Variants in DPPA2 observed in about 807,000 individuals in gnomAD.
The protein encoded by DPPA2 is developmental pluripotency-associated protein 2.
DPPA2 carries 26 observed loss-of-function variants against 36.2 expected under a neutral mutation model. The ratio of observed to expected loss-of-function variants is 0.72; its 90% confidence interval spans 0.53 to 1.00. DPPA2 has a LOEUF of 1.00. Ranked by LOEUF, DPPA2 falls within the 50% of genes least tolerant of loss-of-function variation. DPPA2 has a pLI of 0.00. For missense variants in DPPA2, 361 were observed against 365.1 expected, an observed-to-expected ratio of 0.99 and a Z score of 0.09; for synonymous variants, 113 against 123.2, an observed-to-expected ratio of 0.92 and a Z score of 0.55.
At position 109,308,089 on chromosome 3, in the gene DPPA2, C is replaced by T. The variant is rs773427525; in HGVS notation, c.601G>A (p.Ala201Thr). The T allele has an allele frequency of 6.2e-7, 1 of 1,614,200 alleles. No individual in the cohort carries two copies. The highest frequency in any genetic ancestry group is 8.5e-7 in the Non-Finnish European group (1 of 1,180,044). Residue 201 changes from alanine (A) to threonine (T), a missense_variant, in exon 6 of 9, where the codon GCT (alanine) becomes ACT (threonine). By Grantham distance (58) the Ala-to-Thr change is moderately conservative (BLOSUM62 0). Transcript: ENST00000478945. Reference protein sequence around the residue: ...RIAARAVQPKALNSCSIPVSV... With the variant: ...RIAARAVQPKTLNSCSIPVSV... The stretch of plus-strand genomic sequence containing the variant: ...ACAGGAATGGAACATGAATTCAAAG[C>T]CTTAGGCTGAACAGCTCTTGCAGCA...
intron 6 of DPPA2, among the ~76,000 whole-genome samples, chr3:109,306,700 T>C (rs1220357620): frequency 6.6e-6 from 1 of 151,534 alleles, no homozygotes; most frequent in Non-Finnish European, 1.5e-5. Flanking sequence ...GCGCGGTAGC[T>C]CACGCCTGTA....
At chr3:109,299,076 G>A (rs930021100) in intron 8 of DPPA2, among the ~76,000 whole-genome samples, 1 of 147,720 alleles carries the variant, frequency 6.8e-6, no homozygotes, top group Non-Finnish European at 1.5e-5. Context: ...GAAAGAAAAA[G>A]AGGCCGGGCA....
At chr3:109,307,040 C>T (rs900728410) in intron 6 of DPPA2, among the ~76,000 whole-genome samples, 2 of 151,752 alleles carry the variant, frequency 1.3e-5, no homozygotes, top group African/African-American at 2.4e-5. Context: ...ACAATCTCAG[C>T]TCACTGCAAC....
At chr3:109,311,904 C>A (rs1453472325) in intron 3 of DPPA2, among the ~76,000 whole-genome samples, 1 of 152,122 alleles carries the variant, frequency 6.6e-6, no homozygotes, top group Admixed American at 6.6e-5. Context: ...ATTTAATCTT[C>A]GTAGGAGGCA....
Position 109,301,680 on chromosome 3 carries a change from G to C in DPPA2, c.855-1245C>G, listed in dbSNP as rs981877966. ...TAAAAAAAAAATTTAAAAAGGAAAAGAGAGAAAGAAAGAAGAAAAATGGGA... is the reference window on the plus strand; with the variant it reads ...TAAAAAAAAAATTTAAAAAGGAAAACAGAGAAAGAAAGAAGAAAAATGGGA... On this transcript the variant is annotated intron_variant, in intron 7 of 8. Transcript: ENST00000478945. Among the ~76,000 whole-genome samples, 15 of 14,964 alleles carry C rather than the reference G, an allele frequency of 1.0e-3. No homozygotes were observed. In the Non-Finnish European group the frequency reaches 0.01, roughly 10 times the overall value. The allele number at this position is 14,964 out of a possible 152,430, so 9.8% of individuals were successfully genotyped here.
chr3:109,295,240 C>G (rs897370490), intron 8 of DPPA2: 1 of 151,148 alleles, frequency 6.6e-6, no homozygotes, highest in Non-Finnish European at 1.5e-5. Context: ...AAATTATTGG[C>G]CAGGTGTGGT....
intron 2 of DPPA2, 50 bp from the exon 3 acceptor site, chr3:109,312,742 A>C: frequency 6.3e-7 from 1 of 1,592,624 alleles, no homozygotes; most frequent in Non-Finnish European, 8.6e-7. Context: ...GTACAACTAA[A>C]CTGCTTGCTT....
rs781374715 is a variant in DPPA2, at chr3:109,309,056, A to G, written c.366T>C (p.Leu122=). ...GTTGTTCAGGGTAAGCATGCCTATGAAGCCTCAGATAAACTTCGATTTTCT... is the reference window on the plus strand; with the variant it reads ...GTTGTTCAGGGTAAGCATGCCTATGGAGCCTCAGATAAACTTCGATTTTCT... ...NGKKIEVYLR[L]HRHAYPEQRQ... Residue 122 remains leucine, a synonymous_variant, in exon 5 of 9, where the codon CTT becomes CTC. Transcript: ENST00000478945. 6.2e-7 allele frequency: 1 copy of G among 1,614,200 alleles called. No individual in the cohort carries two copies. Among genetic ancestry groups the G allele is most frequent in the Admixed American group, 1.7e-5 (1 of 60,008 alleles).
intron 7 of DPPA2, among the ~76,000 whole-genome samples, chr3:109,301,524 T>C (rs1265029921): frequency 6.6e-6 from 1 of 151,744 alleles, no homozygotes; most frequent in Non-Finnish European, 1.5e-5. Flanking sequence ...TGGTGGTGCA[T>C]GCCTGTAATC....
intron 1 of DPPA2, among the ~76,000 whole-genome samples, chr3:109,314,862 G>A (rs1000598517): frequency 6.6e-6 from 1 of 152,040 alleles, no homozygotes; most frequent in Non-Finnish European, 1.5e-5. Flanking sequence ...CCAGGAGTTC[G>A]AGATCAGCCT....
At chr3:109,309,988 G>A (rs1298597019) in intron 3 of DPPA2, among the ~76,000 whole-genome samples, 1 of 151,848 alleles carries the variant, frequency 6.6e-6, no homozygotes, top group Non-Finnish European at 1.5e-5. Context: ...CAGCACTTTG[G>A]GAGGCCGAGG....
Position 109,312,644 on chromosome 3 carries a change from G to C in DPPA2, c.82C>G (p.Leu28Val), listed in dbSNP as rs1707731186. The change falls in exon 3 of 9, where the codon CTG (leucine) becomes GTG (valine). Residue 28 changes from leucine (L) to valine (V), a missense_variant. Coordinates refer to ENST00000478945, the MANE Select transcript of DPPA2 (RefSeq NM_138815.4). ...TTTGCGTCATCTTTAACTGGCACCA[G>C]TGTCAAAATCACACTTTCCTCATCA... Reference protein sequence around the residue: ...VDDEESVILTLVPVKDDANME... With the variant: ...VDDEESVILTVVPVKDDANME... The C allele has an allele frequency of 1.2e-6, 2 of 1,613,794 alleles. No homozygotes were observed. The highest frequency in any genetic ancestry group is 1.7e-6 in the Non-Finnish European group (2 of 1,179,886).
In DPPA2 at chr3:109,303,061, T is replaced by C. The variant is rs185703971; in HGVS notation, c.854+1414A>G. 3.3e-5 allele frequency among the ~76,000 whole-genome samples: 5 copies of C among 152,280 alleles called. No individual in the cohort carries two copies. In the East Asian group the frequency reaches 5.8e-4, roughly 18 times the overall value. On this transcript the variant is annotated intron_variant, in intron 7 of 8. Coordinates refer to ENST00000478945, the MANE Select transcript of DPPA2 (RefSeq NM_138815.4). Reference sequence around the variant, plus strand: ...TTTCTCAATATAAGCTTCAATCACATTGACTAACTGGCAGTTTCTAAATAT... The same window carrying C: ...TTTCTCAATATAAGCTTCAATCACACTGACTAACTGGCAGTTTCTAAATAT...
chr3:109,308,259 T>C lies in DPPA2; in HGVS notation c.431A>G (p.Gln144Arg), dbSNP rs1707616191. Reference sequence around the variant, plus strand: ...TGCCTTGCGTTTCCTCGAACATCGCTGTAATCTGGTCTCTTGTGACATTTC... The same window carrying C: ...TGCCTTGCGTTTCCTCGAACATCGCCGTAATCTGGTCTCTTGTGACATTTC... Reference protein sequence around the residue: ...MPEMSQETRLQRCSRKRKAVT... With the variant: ...MPEMSQETRLRRCSRKRKAVT... The change falls in exon 6 of 9, where the codon CAG becomes CGG. Residue 144 changes from glutamine (Q) to arginine (R), a missense_variant. Physicochemically the swap from Gln to Arg is conservative, Grantham distance 43. Coordinates refer to ENST00000478945, the MANE Select transcript of DPPA2 (RefSeq NM_138815.4). 2 of 1,614,148 alleles carry C rather than the reference T, an allele frequency of 1.2e-6. No individual in the cohort carries two copies. Among genetic ancestry groups the C allele is most frequent in the South Asian group, 2.2e-5 (2 of 91,092 alleles).
At chr3:109,302,754 CAA>C (rs71629389) in intron 7 of DPPA2, among the ~76,000 whole-genome samples, 46 of 93,986 alleles carry the variant, frequency 4.9e-4, no homozygotes, top group Admixed American at 1.1e-3. Flanking sequence ...AGCCCACTTA[CAA>C]AAAAAAAAAA....
chr3:109,295,073 A>G (rs2107297235), intron 8 of DPPA2, among the ~76,000 whole-genome samples: 2 of 152,288 alleles, frequency 1.3e-5, no homozygotes, highest in Admixed American at 1.3e-4. Flanking sequence ...TACAAATGTC[A>G]GGTTTTGAAA....
rs934244837 is a variant in DPPA2, at chr3:109,309,326, A to G, written c.186T>C (p.His62=). 6.2e-7 allele frequency: 1 copy of G among 1,613,882 alleles called. No homozygotes were observed. The highest frequency in any genetic ancestry group is 8.5e-7 in the Non-Finnish European group (1 of 1,179,914). ...TAAATTGCTCATTTGTTTGAAGTAGATGACCTAAGACAAGAATGGAACCAA... is the reference window on the plus strand; with the variant it reads ...TAAATTGCTCATTTGTTTGAAGTAGGTGACCTAAGACAAGAATGGAACCAA... The part of the protein sequence containing the change: ...LEKPKKYNPG[H]LLQTNEQFTA... The change falls in exon 4 of 9, where the codon CAT becomes CAC. Residue 62 remains histidine (H), a synonymous_variant. Coordinates refer to ENST00000478945, the MANE Select transcript of DPPA2 (RefSeq NM_138815.4).
In DPPA2 at chr3:109,304,622, T is replaced by C. The variant is rs994443906; in HGVS notation, c.707A>G (p.Lys236Arg). Residue 236 changes from lysine (K) to arginine (R), a missense_variant, in exon 7 of 9, where the codon AAG becomes AGG. Transcript: ENST00000478945. Reference sequence around the variant, plus strand: ...ATGAAACTGCAGGCGTACCCAACCCTTTGTGTCTGCCGAGAGAAGTCTGCC... The same window carrying C: ...ATGAAACTGCAGGCGTACCCAACCCCTTGTGTCTGCCGAGAGAAGTCTGCC... ...VHGRLLSADT[K>R]GWVRLQFHAG... 48 of 1,612,902 alleles carry C rather than the reference T, an allele frequency of 3.0e-5. No individual in the cohort carries two copies. Among genetic ancestry groups the C allele is most frequent in the Non-Finnish European group, 4.1e-5 (48 of 1,179,646 alleles).
chr3:109,295,390 T>A (rs957934931), intron 8 of DPPA2: 2 of 151,148 alleles, frequency 1.3e-5, no homozygotes, highest in Non-Finnish European at 2.9e-5. Flanking sequence ...AAAATACAGG[T>A]GACTGCCACC....
Sources: gnomAD v4.1 joint callset for allele counts (sites outside exome capture counted in the v4.1 genomes callset) on GRCh38, gnomAD v4.1.1 for gene constraint, MANE v1.5 for transcripts, NCBI Gene and HGNC (gene_info 2026-07-23, HGNC 2026-07-21) for gene names.